SPAST: variants seen among roughly 807,000 people sequenced by gnomAD.
The protein encoded by SPAST is spastin.
In SPAST, 30 loss-of-function variants were observed where a neutral mutation model predicts 76.6. That is an observed-to-expected ratio of 0.39 (90% CI 0.29 to 0.53). SPAST has a LOEUF of 0.53. SPAST is among the 20% of genes least tolerant of loss of function. The pLI, the probability that SPAST is intolerant of heterozygous loss-of-function variation, is 0.68. For missense variants in SPAST, 717 were observed against 770.5 expected (o/e 0.93, Z 0.82); for synonymous variants, 305 against 281.0 (o/e 1.09, Z -0.86).
At chr2:32,152,339 C>T (rs1680115615) in intron 16 of SPAST, among the ~76,000 whole-genome samples, 1 of 152,022 alleles carries the variant, frequency 6.6e-6, no homozygotes, top group African/African-American at 2.4e-5. Flanking sequence ...AGGCTCAGGC[C>T]ATTGGATCCC....
chr2:32,083,011 G>A (rs911517164), intron 1 of SPAST, among the ~76,000 whole-genome samples: 5 of 151,202 alleles, frequency 3.3e-5, no homozygotes, highest in African/African-American at 9.7e-5. Flanking sequence ...TTGCTCTGTT[G>A]CCCAGGCTAG....
At chr2:32,069,214 C>CA (rs56319240) in intron 1 of SPAST, among the ~76,000 whole-genome samples, 3,154 of 114,630 alleles carry the variant, frequency 0.028, 40 homozygotes, top group Non-Finnish European at 0.037. Context: ...CTCCATCTCT[C>CA]AAAAAAAAAA....
At chr2:32,147,475 C>T (rs1229556543) in intron 16 of SPAST, among the ~76,000 whole-genome samples, 1 of 149,068 alleles carries the variant, frequency 6.7e-6, no homozygotes, top group African/African-American at 2.5e-5. Context: ...TACCACCAAG[C>T]CCAGCTAATT....
chr2:32,141,551 A>G (rs970510176), intron 12 of SPAST, among the ~76,000 whole-genome samples: 1 of 152,158 alleles, frequency 6.6e-6, no homozygotes, highest in Non-Finnish European at 1.5e-5. Flanking sequence ...CATAAATGTT[A>G]CCTAGTTTGT....
At position 32,064,099 on chromosome 2, in the gene SPAST, A is replaced by G; in HGVS notation, c.268A>G (p.Lys90Glu). The G allele has an allele frequency of 1.2e-6, 2 of 1,609,176 alleles. No individual in the cohort carries two copies. Among genetic ancestry groups the G allele is most frequent in the Non-Finnish European group, 1.7e-6 (2 of 1,178,130 alleles). ...CTTCTCCCGCGCCCTCATGGCAGCC[A>G]AGAGGAGCTCCGGGGCCGCGCCAGC... ...QRFSRALMAA[K>E]RSSGAAPAPA... Residue 90 changes from lysine to glutamate, a missense_variant, in exon 1 of 17, where the codon AAG becomes GAG. Transcript: ENST00000315285.
intron 12 of SPAST, among the ~76,000 whole-genome samples, chr2:32,140,042 C>G (rs1679666576): frequency 6.6e-6 from 1 of 151,916 alleles, no homozygotes; most frequent in South Asian, 2.1e-4. Flanking sequence ...ATTTTTTTCC[C>G]TAGTTCATTT....
chr2:32,091,245 CTATTATTAT>C (rs139735937), intron 3 of SPAST, among the ~76,000 whole-genome samples: 50,921 of 126,562 alleles, frequency 0.4, 10,358 homozygotes, highest in African/African-American at 0.44. Flanking sequence ...TAATATGAAG[CTATTATTAT>C]TATTATTATT....
intron 7 of SPAST, 179 bp from the exon 8 acceptor site, chr2:32,126,769 A>C: frequency 3.5e-6 from 2 of 569,760 alleles, no homozygotes; most frequent in Non-Finnish European, 3.1e-6. Flanking sequence ...TACAGGTGTG[A>C]GCCACCACAC....
chr2:32,084,400 G>A (rs1461211289), intron 1 of SPAST, among the ~76,000 whole-genome samples: 1 of 150,072 alleles, frequency 6.7e-6, no homozygotes, highest in South Asian at 2.1e-4. Flanking sequence ...TCCTGACCTC[G>A]TGATCCACCC....
rs1678316868 is a variant in SPAST, at chr2:32,106,288, G to T, written c.682+7397G>T. Among the ~76,000 whole-genome samples the T allele has an allele frequency of 3.3e-5, 5 of 152,142 alleles. No homozygotes were observed. The South Asian group carries it at 8.3e-4, about 25-fold the overall frequency. ...GGCATGGGATATAATCTCCTGGTGT[G>T]CCGTTTGCTAAGACCATTGGAAAAG... On this transcript the variant is annotated intron_variant, in intron 4 of 16. Transcript: ENST00000315285.
intron 15 of SPAST, among the ~76,000 whole-genome samples, chr2:32,145,692 A>G (rs572532279): frequency 1.3e-5 from 2 of 152,290 alleles, no homozygotes; most frequent in South Asian, 2.1e-4. Context: ...ATTTATTGCT[A>G]TGTTTTTATT....
chr2:32,086,321 G>C (rs1219876093), intron 1 of SPAST, among the ~76,000 whole-genome samples: 22 of 151,918 alleles, frequency 1.4e-4, no homozygotes, highest in Admixed American at 1.4e-3. Context: ...AATTAGCTAA[G>C]TGTGGTGGCA....
At chr2:32,073,974 G>A (rs1247195343) in intron 1 of SPAST, among the ~76,000 whole-genome samples, 4 of 152,174 alleles carry the variant, frequency 2.6e-5, no homozygotes, top group African/African-American at 7.2e-5. Context: ...TCCAGTCAGC[G>A]ATCTCCAGGA....
Position 32,154,453 on chromosome 2 carries a change from C to G in SPAST, c.1808C>G (p.Ala603Gly). 6.2e-7 allele frequency: 1 copy of G among 1,612,522 alleles called. No homozygotes were observed. Among genetic ancestry groups the G allele is most frequent in the Non-Finnish European group, 8.5e-7 (1 of 1,178,806 alleles). The change falls in exon 17 of 17, where the codon GCG becomes GGG. Residue 603 changes from alanine (A) to glycine (G), a missense_variant. Transcript: ENST00000315285. ...AGCGTCAGCCCTCAAACTTTAGAAG[C>G]GTACATACGTTGGAACAAGGACTTT... ...KRSVSPQTLE[A>G]YIRWNKDFGD...
chr2:32,139,551 G>A (rs1679647917), intron 12 of SPAST, among the ~76,000 whole-genome samples: 1 of 152,176 alleles, frequency 6.6e-6, no homozygotes, highest in African/African-American at 2.4e-5. Flanking sequence ...ATAATGGCTG[G>A]GCACAGTGGC....
rs770898376 is a variant in SPAST at position 32,089,507 on chromosome 2, AT to A, written c.503-8del. 24 of 1,456,308 alleles carry A rather than the reference AT, an allele frequency of 1.6e-5. No individual in the cohort carries two copies. Among genetic ancestry groups the A allele is most frequent in the African/African-American group, 7.0e-5 (5 of 71,744 alleles). 90.2% of individuals were successfully genotyped at this position (1,456,308 alleles called of 1,614,324 possible). A position where few individuals can be genotyped will look rare whatever the true frequency, so the allele number is the denominator to read the frequency against. On this transcript the variant is annotated splice_polypyrimidine_tract_variant and intron_variant, in intron 2 of 16. Transcript: ENST00000315285. ...TTGGGAAATGTAGATATTTTAATTA[AT>A]TTTTTTCTTTCAGGTGAACAGTGTG...
chr2:32,063,594 A>G lies in SPAST; in HGVS notation c.-238A>G, dbSNP rs936458043. On this transcript the variant is annotated 5_prime_UTR_variant, in exon 1 of 17. Coordinates refer to ENST00000315285, the MANE Select transcript of SPAST (RefSeq NM_014946.4). ...GGAGCCACCAGGCGGCGGAGAGGAC[A>G]GCGACAGGAAGGGAGGGGCCCGAGC... 2 of 538,868 alleles carry G rather than the reference A, an allele frequency of 3.7e-6. No homozygotes were observed. Among genetic ancestry groups the G allele is most frequent in the Non-Finnish European group, 6.5e-6 (2 of 308,978 alleles). 33.4% of individuals were successfully genotyped at this position (538,868 alleles called of 1,614,324 possible).
chr2:32,157,253 C>T lies in SPAST; in HGVS notation c.*2757C>T, dbSNP rs999976207. ...TTTGAGCCAAGGGAAAGAATGAGTA[C>T]TATCTTTCCAGATATCTTAAGGGTA... On this transcript the variant is annotated 3_prime_UTR_variant, in exon 17 of 17. Coordinates refer to ENST00000315285, the MANE Select transcript of SPAST (RefSeq NM_014946.4). 1 of 152,582 alleles carries T rather than the reference C, an allele frequency of 6.6e-6. No homozygotes were observed. Among genetic ancestry groups the T allele is most frequent in the Non-Finnish European group, 1.5e-5 (1 of 68,012 alleles). 9.5% of individuals were successfully genotyped at this position (152,582 alleles called of 1,614,324 possible).
intron 1 of SPAST, among the ~76,000 whole-genome samples, chr2:32,081,195 G>A (rs887723179): frequency 2.0e-5 from 3 of 152,010 alleles, no homozygotes; most frequent in Non-Finnish European, 4.4e-5. Context: ...CTGATCTCAT[G>A]ATCCACCCGC....
Sources: allele counts gnomAD v4.1 joint callset (sites outside exome capture counted in the v4.1 genomes callset), GRCh38; gene constraint gnomAD v4.1.1; transcripts MANE v1.5; gene names NCBI Gene and HGNC (gene_info 2026-07-23, HGNC 2026-07-21).